The following ZNF454 variants were observed in gnomAD, a reference collection of about 807,000 sequenced individuals.
The protein encoded by ZNF454 is zinc finger protein 454.
Under a neutral mutation model 48.2 loss-of-function variants are expected in ZNF454, and 30 were observed. The observed-to-expected ratio is 0.62, with a 90% CI of 0.47 to 0.84. The LOEUF (loss-of-function observed/expected upper bound fraction) is 0.84. Ranked by LOEUF, ZNF454 falls within the 40% of genes least tolerant of loss-of-function variation. The pLI is 0.00. For synonymous variants in ZNF454, 204 were observed against 211.4 expected (o/e 0.97, Z 0.30); for missense variants, 510 against 623.1 (o/e 0.82, Z 1.93).
At position 178,964,712 on chromosome 5, in the gene ZNF454, A is replaced by G; in HGVS notation, c.308A>G (p.Glu103Gly). 1 of 1,614,244 alleles carries G rather than the reference A, an allele frequency of 6.2e-7. No individual in the cohort carries two copies. Among genetic ancestry groups the G allele is most frequent in the Non-Finnish European group, 8.5e-7 (1 of 1,180,042 alleles). The change falls in exon 5 of 5, where the codon GAA becomes GGA. Residue 103 changes from glutamate to glycine, a missense_variant. By Grantham distance (98) the Glu-to-Gly change is moderately conservative. Coordinates refer to ENST00000519564, the MANE Select transcript of ZNF454 (RefSeq NM_001178089.3). ...ACTGTCAAGGCAGAGATTCCTGAAG[A>G]AGAATTGGATCAATGGACAATAAAG... ...KSTVKAEIPEEELDQWTIKER... is the reference protein window; with the variant it reads ...KSTVKAEIPEGELDQWTIKER...
At chr5:178,985,866 ATCC>A in the ZNF454 span, 2 of 554,740 alleles carry the variant, frequency 3.6e-6, no homozygotes, top group Non-Finnish European at 3.3e-6. Context: ...GGCTCAAGCG[ATCC>A]TCCTATTTCA....
chr5:178,986,765 A>G, the ZNF454 span: 1 of 1,609,810 alleles, frequency 6.2e-7, no homozygotes, highest in African/African-American at 1.3e-5. Flanking sequence ...TGGGACGCAC[A>G]AAACACAGGC....
chr5:178,969,065 T>TA (rs200295617), downstream of ZNF454: 3,714 of 363,638 alleles, frequency 0.01, 37 homozygotes, highest in Middle Eastern at 0.014. Flanking sequence ...GCCTATTAGA[T>TA]ACGCCCAGGC....
At chr5:178,986,779 G>T in the ZNF454 span, 1 of 1,610,840 alleles carries the variant, frequency 6.2e-7, no homozygotes. Flanking sequence ...CACAGGCTGG[G>T]GCGTCTGCCT....
chr5:178,953,508 C>T (rs898344708), intron 4 of ZNF454, among the ~76,000 whole-genome samples: 2 of 152,164 alleles, frequency 1.3e-5, no homozygotes, highest in African/African-American at 4.8e-5. Flanking sequence ...GAATCCCCTT[C>T]TATCCTTGGC....
chr5:178,967,188 C>T (rs190166855), downstream of ZNF454, among the ~76,000 whole-genome samples: 1 of 152,340 alleles, frequency 6.6e-6, no homozygotes, highest in Non-Finnish European at 1.5e-5. Flanking sequence ...AGTGACTCTA[C>T]ACATCAGTCA....
downstream of ZNF454, among the ~76,000 whole-genome samples, chr5:178,967,748 T>C (rs867043966): frequency 2.4e-4 from 25 of 103,894 alleles, no homozygotes; most frequent in African/African-American, 8.1e-4. Flanking sequence ...TTTTCTTTTT[T>C]TTTTTTTTTG....
chr5:178,970,333 CT>C (rs1288853001), downstream of ZNF454, among the ~76,000 whole-genome samples: 1 of 152,158 alleles, frequency 6.6e-6, no homozygotes, highest in Non-Finnish European at 1.5e-5. Context: ...CTCCCTGCTT[CT>C]TGGCCCACCT....
At chr5:178,967,717 G>GTTTTTTTTT (rs10610959), downstream of ZNF454, among the ~76,000 whole-genome samples, 1 of 128,960 alleles carries the variant, frequency 7.8e-6, no homozygotes. Context: ...CCTTTACCCT[G>GTTTTTTTTT]TTTTTTTTTT....
At chr5:178,949,315 G>A (rs891167656) in intron 4 of ZNF454, among the ~76,000 whole-genome samples, 1 of 151,372 alleles carries the variant, frequency 6.6e-6, no homozygotes, top group Non-Finnish European at 1.5e-5. Context: ...GCCTCCCAAA[G>A]TGCTGGGATT....
the ZNF454 span, among the ~76,000 whole-genome samples, chr5:178,988,572 C>T: frequency 1.3e-5 from 2 of 152,260 alleles, no homozygotes; most frequent in Non-Finnish European, 2.9e-5. The surrounding 1 kb of genome is among the most constrained non-coding windows in gnomAD (Gnocchi z 6.0). Context: ...CCTGGGTAGG[C>T]GCCCCACGCA....
At chr5:178,976,953 C>A in the ZNF454 span, among the ~76,000 whole-genome samples, 4 of 152,134 alleles carry the variant, frequency 2.6e-5, no homozygotes, top group African/African-American at 9.7e-5. Context: ...GGGCCGTGTT[C>A]CCCTAGACTA....
intron 4 of ZNF454, among the ~76,000 whole-genome samples, chr5:178,963,086 A>G (rs1373085281): frequency 6.6e-6 from 1 of 151,834 alleles, no homozygotes; most frequent in African/African-American, 2.4e-5. Flanking sequence ...AAGCTTAAGA[A>G]TTCAATAAAA....
chr5:178,950,778 A>G (rs1184493608), intron 4 of ZNF454, among the ~76,000 whole-genome samples: 1 of 151,536 alleles, frequency 6.6e-6, no homozygotes, highest in Non-Finnish European at 1.5e-5. Context: ...AATATTGTAT[A>G]TTATGTCCTC....
chr5:178,986,532 T>C, the ZNF454 span: 1 of 1,607,956 alleles, frequency 6.2e-7, no homozygotes. Context: ...GCACCACAGG[T>C]GTGGGGCGGC....
chr5:178,978,411 ATAAAT>A, the ZNF454 span: 4 of 152,358 alleles, frequency 2.6e-5, no homozygotes, highest in South Asian at 2.1e-4. Context: ...AATGAATGTA[ATAAAT>A]TAAAGGGAAA....
chr5:178,980,907 T>G, the ZNF454 span: 1 of 152,908 alleles, frequency 6.5e-6, no homozygotes, highest in Non-Finnish European at 1.5e-5. This position sits in a 1 kb window ranked among gnomAD's most constrained non-coding sequence, Gnocchi z 4.3. Flanking sequence ...GTGCTGGGAT[T>G]ACAGGTGTGA....
Position 178,941,943 on chromosome 5 carries a change from T to C in ZNF454, c.-108+499T>C, listed in dbSNP as rs963048651. On this transcript the variant is annotated intron_variant, in intron 1 of 4. Coordinates refer to ENST00000519564, the MANE Select transcript of ZNF454 (RefSeq NM_001178089.3). The surrounding 1 kb of genome is among the most constrained non-coding windows in gnomAD (Gnocchi z 5.5). Reference sequence around the variant, plus strand: ...GAAGAAGACCACCCTCCTTTTCCTCTTCTCCTGTCACTGCCAGATAAGGCA... The same window carrying C: ...GAAGAAGACCACCCTCCTTTTCCTCCTCTCCTGTCACTGCCAGATAAGGCA... Among the ~76,000 whole-genome samples, 4 of 145,128 alleles carry C rather than the reference T, an allele frequency of 2.8e-5. No homozygotes were observed. Among genetic ancestry groups the C allele is most frequent in the Admixed American group, 2.1e-4 (3 of 14,572 alleles).
the ZNF454 span, chr5:178,985,916 C>A: frequency 3.4e-6 from 2 of 590,616 alleles, no homozygotes. Context: ...CACGCACCAC[C>A]ATGCCTGGCT....
Sources: gnomAD v4.1 joint callset for allele counts (sites outside exome capture counted in the v4.1 genomes callset) on GRCh38, gnomAD v4.1.1 for gene constraint, Gnocchi (gnomAD v3.1) non-coding constraint, MANE v1.5 for transcripts, NCBI Gene and HGNC (gene_info 2026-07-23, HGNC 2026-07-21) for gene names.